Variants in TOMT observed in about 807,000 individuals in gnomAD.
TOMT encodes transmembrane O-methyltransferase.
A neutral mutation model predicts 21.7 loss-of-function variants in TOMT; 23 were observed. The ratio of observed to expected loss-of-function variants is 1.06; its 90% CI spans 0.76 to 1.50. The LOEUF (loss-of-function observed/expected upper bound fraction) is 1.50. Ranked by LOEUF, TOMT falls within the 40% of genes most tolerant of loss-of-function variation. The pLI, the probability that TOMT is intolerant of heterozygous loss-of-function variation, is 0.00. For synonymous variants in TOMT, 132 were observed against 150.8 expected (o/e 0.88, Z 0.91); for missense variants, 331 against 348.7 (o/e 0.95, Z 0.41).
intron 1 of TOMT, chr11:72,107,359 G>A (rs1213604661): frequency 3.0e-6 from 2 of 655,958 alleles, no homozygotes; most frequent in Non-Finnish European, 5.6e-6. Context: ...TTCTAACAGA[G>A]ACCTTTCATA....
intron 1 of TOMT, 35 bp from the exon 2 acceptor site, chr11:72,107,888 C>T: frequency 6.4e-7 from 1 of 1,550,764 alleles, no homozygotes; most frequent in Non-Finnish European, 8.7e-7. Context: ...GCATCCATCT[C>T]CCATGTCTTC....
rs1215072687 is a variant in TOMT, at chr11:72,107,173, G to A, written c.260-750G>A. On this transcript the variant is annotated intron_variant, in intron 1 of 2. Coordinates refer to ENST00000541899, the Ensembl canonical transcript of TOMT. The stretch of plus-strand genomic sequence containing the variant: ...TTCCAGCTACTGGAAATGCTGAGGT[G>A]GGAGGATTGCCTGAGCCTGGGTGGT... 9 of 465,564 alleles carry A rather than the reference G, an allele frequency of 1.9e-5. No individual in the cohort carries two copies. In the South Asian group the frequency reaches 2.3e-4, roughly 12 times the overall value. 28.8% of individuals were successfully genotyped at this position (465,564 alleles called of 1,614,324 possible). A position where few individuals can be genotyped will look rare whatever the true frequency, so the allele number is the denominator to read the frequency against.
exon 3 of TOMT, chr11:72,109,180 G>C: frequency 1.9e-6 from 1 of 521,440 alleles, no homozygotes; most frequent in Non-Finnish European, 3.5e-6. Context: ...CTGAGCTCCC[G>C]ACCCAGCTCT....
intron 1 of TOMT, chr11:72,107,102 AC>A (rs1945763184): frequency 3.4e-6 from 1 of 290,890 alleles, no homozygotes; most frequent in Non-Finnish European, 6.3e-6. Context: ...CCCCGTTTCT[AC>A]AAAAAATTTA....
chr11:72,109,337 C>A (rs574163705), downstream of TOMT: 63 of 466,620 alleles, frequency 1.4e-4, no homozygotes, highest in Admixed American at 3.0e-4. Flanking sequence ...TCAGCCCATG[C>A]CATTCTGGGT....
Position 72,105,946 on chromosome 11 carries a change from GGGACCATGTCCCCT to G in TOMT, c.-4_10del, listed in dbSNP as rs769877492. ...CTCCCTCCACCCCAGGGCCCAGGTAGGGACCATGTCCCCTGCCATTGCATTGGCCTTCCTGCCAC... is the reference window on the plus strand; with the variant it reads ...CTCCCTCCACCCCAGGGCCCAGGTAGGCCATTGCATTGGCCTTCCTGCCAC... On this transcript the variant is annotated start_lost and 5_prime_UTR_variant, in exon 1 of 3. Transcript: ENST00000541899. The G allele has an allele frequency of 4.5e-5, 69 of 1,544,388 alleles. No individual in the cohort carries two copies. The highest frequency in any genetic ancestry group is 6.0e-5 in the Non-Finnish European group (68 of 1,142,500).
chr11:72,108,884 A>T lies in TOMT; in HGVS notation c.736A>T (p.Lys246Ter). 6.5e-7 allele frequency: 1 copy of T among 1,549,708 alleles called. No individual in the cohort carries two copies. Among genetic ancestry groups the T allele is most frequent in the Non-Finnish European group, 8.7e-7 (1 of 1,146,576 alleles). The change falls in exon 3 of 3, where the codon AAG becomes TAG. Residue 246 changes from lysine to a stop codon, truncating the protein, a stop_gained. Transcript: ENST00000541899. LOFTEE classifies it high-confidence loss of function. Reference sequence around the variant, plus strand: ...TGGCCTTCCAGACTTCCCTGCCATCAAGGATGGAATAGCTCAGCTCACCTA... The same window carrying T: ...TGGCCTTCCAGACTTCCCTGCCATCTAGGATGGAATAGCTCAGCTCACCTA...
intron 1 of TOMT, 126 bp from the exon 2 acceptor site, chr11:72,107,797 C>A: frequency 9.9e-7 from 1 of 1,014,456 alleles, no homozygotes; most frequent in Non-Finnish European, 1.5e-6. Flanking sequence ...GGCTATGGTA[C>A]AAGAGACAGA....
chr11:72,106,216 T>C lies in TOMT; in HGVS notation c.259+6T>C. ...CCACATGGGGCCTGTCAAAGGTCAG[T>C]GTTCCCTAGCCTTCTGCTCCAAGAA... On this transcript the variant is annotated splice_donor_region_variant and intron_variant, in intron 1 of 2. Transcript: ENST00000541899. 1 of 1,480,776 alleles carries C rather than the reference T, an allele frequency of 6.8e-7. No homozygotes were observed. The highest frequency in any genetic ancestry group is 9.0e-7 in the Non-Finnish European group (1 of 1,110,910). 91.7% of individuals were successfully genotyped at this position (1,480,776 alleles called of 1,614,324 possible).
At chr11:72,107,452 T>C (rs1375378606) in intron 1 of TOMT, 1 of 702,902 alleles carries the variant, frequency 1.4e-6, no homozygotes, top group South Asian at 1.5e-5. Flanking sequence ...AAGTTCTGAG[T>C]TGGCCAGGCA....
chr11:72,108,628 A>C, exon 3 of TOMT: 1 of 1,489,150 alleles, frequency 6.7e-7, no homozygotes, highest in East Asian at 2.5e-5. Context: ...TGGGCAGCTC[A>C]GAGGACGTGA....
chr11:72,109,145 G>A, exon 3 of TOMT: 1 of 565,558 alleles, frequency 1.8e-6, no homozygotes. Context: ...TTTCCAGAGA[G>A]AACCATGGAC....
exon 3 of TOMT, chr11:72,109,323 A>G (rs1438886255): frequency 2.1e-6 from 1 of 467,344 alleles, no homozygotes; most frequent in Non-Finnish European, 4.3e-6. Flanking sequence ...AAAGCCTCCC[A>G]TCCTCAGCCC....
exon 3 of TOMT, chr11:72,108,708 G>A (rs1945995229): frequency 9.0e-6 from 14 of 1,549,268 alleles, no homozygotes; most frequent in Non-Finnish European, 1.2e-5. Context: ...CGGCCACGAT[G>A]TTACCTGAGG....
In TOMT at chr11:72,108,614, AT is replaced by A. The variant is rs1391956558; in HGVS notation, c.467del (p.Ile156ThrfsTer8). 13 of 1,469,726 alleles carry A rather than the reference AT, an allele frequency of 8.8e-6. No homozygotes were observed. The East Asian group carries it at 3.3e-4, about 37-fold the overall frequency. The allele number at this position is 1,469,726 out of a possible 1,614,324, so 91.0% of individuals were successfully genotyped here. On this transcript the variant is annotated frameshift_variant, in exon 3 of 3. Coordinates refer to ENST00000541899, the Ensembl canonical transcript of TOMT. LOFTEE classifies it high-confidence loss of function. ...CCCCCTATCCCCACAGGTGGAGCTC[AT>A]CGTGGGCAGCTCAGAGGACGTGATC...
chr11:72,109,316 G>A, exon 3 of TOMT: 1 of 468,950 alleles, frequency 2.1e-6, no homozygotes, highest in South Asian at 1.5e-5. Flanking sequence ...GCCTCAGAAA[G>A]CCTCCCATCC....
chr11:72,108,491 C>G, intron 2 of TOMT, 114 bp from the exon 3 acceptor site: 2 of 860,888 alleles, frequency 2.3e-6, no homozygotes, highest in African/African-American at 3.4e-5. Flanking sequence ...AATGTGAGAA[C>G]ACTCATGGGA....
chr11:72,107,908 C>A lies in TOMT; in HGVS notation c.260-15C>A. 6.4e-7 allele frequency: 1 copy of A among 1,551,582 alleles called. No homozygotes were observed. The highest frequency in any genetic ancestry group is 8.7e-7 in the Non-Finnish European group (1 of 1,146,876). On this transcript the variant is annotated splice_polypyrimidine_tract_variant and intron_variant, in intron 1 of 2. Coordinates refer to ENST00000541899, the Ensembl canonical transcript of TOMT. ...CATCTCCCATGTCTTCTGCAACAGC[C>A]ATCTCCCCTCATAGGTCAGATCCTG...
exon 3 of TOMT, chr11:72,109,255 T>C: frequency 2.2e-6 from 1 of 464,264 alleles, no homozygotes; most frequent in Non-Finnish European, 4.1e-6. Flanking sequence ...ATCTTCTCTC[T>C]TAACACGAAG....
Sources: gnomAD v4.1 joint callset for allele counts on GRCh38, gnomAD v4.1.1 for gene constraint, MANE v1.5 for transcripts, NCBI Gene and HGNC (gene_info 2026-07-23, HGNC 2026-07-21) for gene names.